PLEKHA5: variants seen among roughly 807,000 people sequenced by gnomAD.
The protein encoded by PLEKHA5 is pleckstrin homology domain-containing family A member 5.
Under a neutral mutation model 181.9 loss-of-function variants are expected in PLEKHA5, and 55 were observed. The observed-to-expected ratio is 0.30, with a 90% CI of 0.24 to 0.38. PLEKHA5 has a LOEUF of 0.38. PLEKHA5 is among the 10% of genes least tolerant of loss of function. The pLI is 1.00. For synonymous variants in PLEKHA5, 535 were observed against 529.4 expected (o/e 1.01, Z -0.15); for missense variants, 1,432 against 1,549.5 (o/e 0.92, Z 1.27).
intron 3 of PLEKHA5, among the ~76,000 whole-genome samples, chr12:19,193,670 C>G (rs1420323570): frequency 1.3e-5 from 2 of 152,100 alleles, no homozygotes; most frequent in Non-Finnish European, 2.9e-5. Flanking sequence ...TATCATCCAC[C>G]CTTCTCCTAC....
At chr12:19,178,058 C>T (rs934124799) in intron 3 of PLEKHA5, among the ~76,000 whole-genome samples, 1 of 152,154 alleles carries the variant, frequency 6.6e-6, no homozygotes, top group Admixed American at 6.5e-5. Context: ...ACAACTTCCA[C>T]GGCTCCTGGT....
chr12:19,330,332 CT>C (rs2092718136), intron 20 of PLEKHA5, among the ~76,000 whole-genome samples: 1 of 152,092 alleles, frequency 6.6e-6, no homozygotes, highest in African/African-American at 2.4e-5. Flanking sequence ...ATATGGATAG[CT>C]TTATAATTGT....
At chr12:19,286,147 G>A (rs527760643) in intron 12 of PLEKHA5, among the ~76,000 whole-genome samples, 4 of 152,230 alleles carry the variant, frequency 2.6e-5, no homozygotes, top group Non-Finnish European at 4.4e-5. Flanking sequence ...AAAGATTGGC[G>A]GTGATATTAA....
At chr12:19,132,324 T>G (rs879504666) in intron 2 of PLEKHA5, 69 bp from the exon 3 acceptor site, 1 of 815,582 alleles carries the variant, frequency 1.2e-6, no homozygotes, top group African/African-American at 1.8e-5. Flanking sequence ...AAATGGATAA[T>G]TAAAATGGAT....
chr12:19,161,838 T>C (rs2043039756), intron 3 of PLEKHA5, among the ~76,000 whole-genome samples: 2 of 152,210 alleles, frequency 1.3e-5, no homozygotes, highest in Admixed American at 6.5e-5. Flanking sequence ...GTACGTGTTC[T>C]GGGAGATTAA....
intron 3 of PLEKHA5, among the ~76,000 whole-genome samples, chr12:19,158,333 A>G (rs1218837376): frequency 9.2e-5 from 14 of 152,028 alleles, no homozygotes; most frequent in Non-Finnish European, 1.5e-4. Flanking sequence ...AGCCTGGGCG[A>G]CAGAGTGAGA....
intron 15 of PLEKHA5, chr12:19,306,845 G>A (rs2083941632): frequency 6.3e-6 from 5 of 798,710 alleles, no homozygotes; most frequent in African/African-American, 5.1e-5. Flanking sequence ...ACAGAGCTTT[G>A]ATAACGTACC....
intron 3 of PLEKHA5, among the ~76,000 whole-genome samples, chr12:19,251,432 G>GA (rs1267955740): frequency 6.7e-6 from 1 of 149,864 alleles, no homozygotes; most frequent in African/African-American, 2.5e-5. Flanking sequence ...GAAAAGAAAA[G>GA]AAAAAAAAGT....
At chr12:19,244,929 AGT>A (rs1259211138) in intron 3 of PLEKHA5, among the ~76,000 whole-genome samples, 1 of 152,190 alleles carries the variant, frequency 6.6e-6, no homozygotes, top group Non-Finnish European at 1.5e-5. Context: ...TAAAAAGCAG[AGT>A]GGATTTTAAC....
intron 10 of PLEKHA5, among the ~76,000 whole-genome samples, chr12:19,272,789 A>AG (rs1246327229): frequency 2.0e-5 from 3 of 152,216 alleles, no homozygotes; most frequent in African/African-American, 7.2e-5. Flanking sequence ...AGCTTTAGAT[A>AG]GACTACAGTA....
chr12:19,166,143 CT>C (rs1565889454), intron 3 of PLEKHA5, among the ~76,000 whole-genome samples: 2 of 152,094 alleles, frequency 1.3e-5, no homozygotes, highest in East Asian at 3.9e-4. Flanking sequence ...TCATAATGTT[CT>C]TTTTTTCAAT....
intron 3 of PLEKHA5, among the ~76,000 whole-genome samples, chr12:19,141,108 A>C (rs1477922925): frequency 6.6e-6 from 1 of 152,004 alleles, no homozygotes; most frequent in East Asian, 1.9e-4. Context: ...AACACTTCAC[A>C]CTGATTTCAA....
intron 3 of PLEKHA5, among the ~76,000 whole-genome samples, chr12:19,252,060 C>T (rs1402549341): frequency 2.0e-5 from 3 of 152,078 alleles, no homozygotes; most frequent in Non-Finnish European, 4.4e-5. Flanking sequence ...ATAATAGAAA[C>T]ACTATGTTTC....
intron 8 of PLEKHA5, 22 bp from the exon 9 acceptor site, chr12:19,269,748 T>C: frequency 8.3e-7 from 1 of 1,209,504 alleles, no homozygotes; most frequent in Non-Finnish European, 1.2e-6. Context: ...TTATTTAAAA[T>C]GATCGTGTCA....
intron 31 of PLEKHA5, chr12:19,372,097 T>G (rs1042989864): frequency 6.6e-6 from 1 of 152,116 alleles, no homozygotes; most frequent in Non-Finnish European, 1.5e-5. Flanking sequence ...TCCTCCAGGG[T>G]TCAAGTGATT....
chr12:19,323,938 C>G (rs1252386978), intron 20 of PLEKHA5, among the ~76,000 whole-genome samples: 1 of 151,994 alleles, frequency 6.6e-6, no homozygotes, highest in African/African-American at 2.4e-5. Flanking sequence ...AGCTTATAAA[C>G]TGTTTTATGA....
intron 4 of PLEKHA5, among the ~76,000 whole-genome samples, chr12:19,254,333 C>T (rs1017039770): frequency 2.0e-5 from 3 of 152,098 alleles, no homozygotes; most frequent in African/African-American, 7.2e-5. Flanking sequence ...TTTTCTCATC[C>T]TTAAATCAGA....
chr12:19,332,034 A>G (rs1056583447), intron 20 of PLEKHA5, among the ~76,000 whole-genome samples: 3 of 152,092 alleles, frequency 2.0e-5, no homozygotes, highest in Non-Finnish European at 4.4e-5. Flanking sequence ...ACAGAGGCTC[A>G]CACCTGTAAT....
intron 10 of PLEKHA5, 65 bp from the exon 11 acceptor site, chr12:19,274,451 G>A: frequency 8.8e-7 from 1 of 1,137,558 alleles, no homozygotes; most frequent in Non-Finnish European, 1.3e-6. Flanking sequence ...TTCCTAGATT[G>A]AATCCCAGAA....
Sources: allele counts gnomAD v4.1 joint callset (sites outside exome capture counted in the v4.1 genomes callset), GRCh38; gene constraint gnomAD v4.1.1; transcripts MANE v1.5; gene names NCBI Gene and HGNC (gene_info 2026-07-23, HGNC 2026-07-21).